Variants in SAMD5 observed in about 807,000 individuals in gnomAD.
SAMD5 encodes the protein sterile alpha motif domain containing 5, also known as sterile alpha motif domain-containing protein 5.
A neutral mutation model predicts 11.3 loss-of-function variants in SAMD5; 13 were observed. The observed-to-expected ratio is 1.15, with a 90% confidence interval of 0.75 to 1.83. The LOEUF is 1.83. Ranked by LOEUF, SAMD5 falls within the 40% of genes most tolerant of loss-of-function variation. The probability of loss-of-function intolerance (pLI) is 0.00; values close to 1 mark genes in which losing one functional copy is unlikely to be tolerated. For missense variants in SAMD5, 255 were observed against 239.1 expected (o/e 1.07, Z -0.44); for synonymous variants, 129 against 111.3 (o/e 1.16, Z -1.00).
the SAMD5 span, among the ~76,000 whole-genome samples, chr6:147,746,680 T>C: frequency 2.6e-5 from 4 of 152,146 alleles, no homozygotes; most frequent in Non-Finnish European, 5.9e-5. Flanking sequence ...GAAACTATCA[T>C]GGAAGGTCTC....
At chr6:147,786,781 T>C in the SAMD5 span, among the ~76,000 whole-genome samples, 1 of 152,190 alleles carries the variant, frequency 6.6e-6, no homozygotes, top group Non-Finnish European at 1.5e-5. Context: ...TTTCTTAAGC[T>C]TTTCCAAAGC....
chr6:147,940,384 C>G, the SAMD5 span, among the ~76,000 whole-genome samples: 1 of 152,114 alleles, frequency 6.6e-6, no homozygotes, highest in Admixed American at 6.5e-5. Context: ...ACACACGGGG[C>G]ATGAGCACCA....
chr6:147,529,461 G>A (rs550789864), intron 1 of SAMD5, among the ~76,000 whole-genome samples: 116 of 152,048 alleles, frequency 7.6e-4, no homozygotes, highest in Middle Eastern at 3.4e-3. Context: ...ATTCTCTTCC[G>A]CTAATAGTAT....
the SAMD5 span, among the ~76,000 whole-genome samples, chr6:147,875,163 A>G: frequency 3.9e-5 from 6 of 152,182 alleles, no homozygotes; most frequent in Non-Finnish European, 8.8e-5. Flanking sequence ...AAATTTTAAC[A>G]CTAATTCTAT....
intron 1 of SAMD5, among the ~76,000 whole-genome samples, chr6:147,638,530 G>A (rs1487309841): frequency 6.6e-6 from 1 of 152,172 alleles, no homozygotes; most frequent in Non-Finnish European, 1.5e-5. Context: ...TCGTGTTGAT[G>A]TTTTCTCATC....
chr6:147,665,541 A>G (rs1583130717), intron 1 of SAMD5, among the ~76,000 whole-genome samples: 1 of 152,196 alleles, frequency 6.6e-6, no homozygotes, highest in East Asian at 1.9e-4. Context: ...TGGAATTCCT[A>G]CTGTGCACAT....
chr6:147,900,889 T>A, the SAMD5 span, among the ~76,000 whole-genome samples: 1 of 152,180 alleles, frequency 6.6e-6, no homozygotes, highest in Non-Finnish European at 1.5e-5. Flanking sequence ...TTTTTTCTAT[T>A]ATAAAACAAA....
chr6:147,714,863 T>C (rs1374414069), intron 1 of SAMD5, among the ~76,000 whole-genome samples: 2 of 152,198 alleles, frequency 1.3e-5, no homozygotes, highest in East Asian at 3.9e-4. Context: ...TCCTTATCCA[T>C]CCATTTCTGA....
chr6:147,510,516 C>G (rs1386425336), intron 1 of SAMD5, among the ~76,000 whole-genome samples: 1 of 152,196 alleles, frequency 6.6e-6, no homozygotes, highest in East Asian at 1.9e-4. Flanking sequence ...AGAAACCCAA[C>G]TCCCTAATAG....
intron 1 of SAMD5, among the ~76,000 whole-genome samples, chr6:147,709,483 T>G (rs1189325077): frequency 6.6e-6 from 1 of 152,192 alleles, no homozygotes; most frequent in African/African-American, 2.4e-5. Context: ...AGAAGGCTAA[T>G]CAGGGTTTTG....
Position 147,508,870 on chromosome 6 carries a change from G to A in SAMD5, c.-59G>A, listed in dbSNP as rs1788033180. ...AGGATTAAAAGTTCCAAGAACTGGTGCCGCCCGTGCCATTTGGGCGCTGGG... is the reference window on the plus strand; with the variant it reads ...AGGATTAAAAGTTCCAAGAACTGGTACCGCCCGTGCCATTTGGGCGCTGGG... On this transcript the variant is annotated 5_prime_UTR_variant, in exon 1 of 2. Coordinates refer to ENST00000367474, the MANE Select transcript of SAMD5 (RefSeq NM_001030060.3). The A allele has an allele frequency of 1.0e-5, 16 of 1,566,938 alleles. No homozygotes were observed. The South Asian group carries it at 1.5e-4, about 15-fold the overall frequency.
At chr6:147,860,456 C>A in the SAMD5 span, among the ~76,000 whole-genome samples, 20,157 of 152,184 alleles carry the variant, frequency 0.13, 1,373 homozygotes, top group Admixed American at 0.17. Flanking sequence ...GACTCCATTG[C>A]ACGTCTTTAA....
At chr6:147,945,181 G>A in the SAMD5 span, among the ~76,000 whole-genome samples, 96 of 151,942 alleles carry the variant, frequency 6.3e-4, no homozygotes, top group African/African-American at 1.7e-3. Flanking sequence ...TTTATCCCCC[G>A]ACTATTTCAT....
At chr6:147,745,446 TACA>T in the SAMD5 span, among the ~76,000 whole-genome samples, 1 of 152,248 alleles carries the variant, frequency 6.6e-6, no homozygotes, top group Non-Finnish European at 1.5e-5. Flanking sequence ...TCTCAATCTT[TACA>T]ACAACTTGAT....
In SAMD5 at chr6:147,508,934, C is replaced by G. The variant is rs1449915392; in HGVS notation, c.6C>G (p.Cys2Trp). Reference protein sequence around the residue: MCTNIVYEWLKA... With the variant: MWTNIVYEWLKA... ...GCGGGGTTCCCGGTCCCACCATGTG[C>G]ACCAACATAGTTTACGAGTGGCTCA... Residue 2 changes from cysteine to tryptophan, a missense_variant, in exon 1 of 2, where the codon TGC becomes TGG. Transcript: ENST00000367474. 2 of 1,592,962 alleles carry G rather than the reference C, an allele frequency of 1.3e-6. No individual in the cohort carries two copies. Among genetic ancestry groups the G allele is most frequent in the African/African-American group, 2.7e-5 (2 of 73,450 alleles).
At chr6:147,542,795 C>T (rs1354264254) in intron 1 of SAMD5, among the ~76,000 whole-genome samples, 2 of 152,154 alleles carry the variant, frequency 1.3e-5, no homozygotes, top group African/African-American at 4.8e-5. Context: ...TGGTCGCTAA[C>T]ATTAGTCCTA....
At chr6:147,703,404 C>T (rs957410545) in intron 1 of SAMD5, among the ~76,000 whole-genome samples, 6 of 152,110 alleles carry the variant, frequency 3.9e-5, no homozygotes, top group Non-Finnish European at 7.4e-5. Flanking sequence ...TAATCTTAGA[C>T]TTGATTTTGA....
chr6:147,779,624 T>A, the SAMD5 span, among the ~76,000 whole-genome samples: 4 of 152,054 alleles, frequency 2.6e-5, no homozygotes, highest in African/African-American at 9.7e-5. Flanking sequence ...ACCTTCCAAG[T>A]AGCTGGGATT....
At chr6:147,652,876 C>G (rs1790511416) in intron 1 of SAMD5, among the ~76,000 whole-genome samples, 1 of 152,100 alleles carries the variant, frequency 6.6e-6, no homozygotes, top group Non-Finnish European at 1.5e-5. Context: ...TCTTAGATGT[C>G]TTTTTGCCTG....
Sources: gnomAD v4.1 joint callset for allele counts (sites outside exome capture counted in the v4.1 genomes callset) on GRCh38, gnomAD v4.1.1 for gene constraint, MANE v1.5 for transcripts, NCBI Gene and HGNC (gene_info 2026-07-23, HGNC 2026-07-21) for gene names.